DCUN1D2: variants seen among roughly 807,000 people sequenced by gnomAD.
DCUN1D2 encodes the protein defective in cullin neddylation 1 domain containing 2.
Under a neutral mutation model 30.9 loss-of-function variants are expected in DCUN1D2, and 29 were observed. The ratio of observed to expected loss-of-function variants is 0.94; its 90% CI spans 0.70 to 1.28. The LOEUF (loss-of-function observed/expected upper bound fraction) is 1.28, where lower values mean the gene tolerates loss of function less well. DCUN1D2 is among the 50% of genes most tolerant of loss of function. The probability of loss-of-function intolerance (pLI) is 0.00; values close to 1 mark genes in which losing one functional copy is unlikely to be tolerated. For missense variants in DCUN1D2, 325 were observed against 316.9 expected (o/e 1.03, Z -0.19); for synonymous variants, 121 against 115.3 (o/e 1.05, Z -0.32).
At chr13:113,490,777 CG>C, upstream of DCUN1D2, 1 of 1,058,414 alleles carries the variant, frequency 9.4e-7, no homozygotes, top group Non-Finnish European at 1.2e-6. The surrounding 1 kb of genome is among the most constrained non-coding windows in gnomAD (Gnocchi z 5.2). Flanking sequence ...GGGGCAGTGC[CG>C]GGAGCCGGCC....
intron 1 of DCUN1D2, among the ~76,000 whole-genome samples, chr13:113,484,731 A>C (rs1422375917): frequency 6.6e-6 from 1 of 152,208 alleles, no homozygotes; most frequent in Non-Finnish European, 1.5e-5. Context: ...AAATAGCTGT[A>C]CTATATATAG....
chr13:113,458,715 G>A (rs933892287), intron 6 of DCUN1D2, among the ~76,000 whole-genome samples: 4 of 152,202 alleles, frequency 2.6e-5, no homozygotes, highest in Admixed American at 6.5e-5. Context: ...AGACAGACAC[G>A]TAAACCACCC....
At chr13:113,467,325 T>A (rs113919006) in intron 4 of DCUN1D2, among the ~76,000 whole-genome samples, 36 of 152,328 alleles carry the variant, frequency 2.4e-4, no homozygotes, top group African/African-American at 7.9e-4. Flanking sequence ...TTAAAAAATA[T>A]AATACTTGCA....
chr13:113,478,313 C>T (rs1429608104), intron 3 of DCUN1D2, among the ~76,000 whole-genome samples: 1 of 151,570 alleles, frequency 6.6e-6, no homozygotes, highest in Non-Finnish European at 1.5e-5. Context: ...AATTTACTGG[C>T]ATAAAGCTCT....
chr13:113,457,938 T>C lies in DCUN1D2; in HGVS notation c.*91A>G, dbSNP rs976756931. The C allele has an allele frequency of 3.3e-6, 4 of 1,207,972 alleles. No individual in the cohort carries two copies. In the African/African-American group the frequency reaches 6.0e-5, roughly 18 times the overall value. 74.8% of individuals were successfully genotyped at this position (1,207,972 alleles called of 1,614,324 possible). ...TTCATGGCTGGTCAAGAATGACTTC[T>C]GGAATCAGCGACAATGCACCCAGGA... On this transcript the variant is annotated 3_prime_UTR_variant, in exon 7 of 7. Coordinates refer to ENST00000478244, the MANE Select transcript of DCUN1D2 (RefSeq NM_001014283.2).
chr13:113,474,600 A>G (rs925495309), intron 3 of DCUN1D2, among the ~76,000 whole-genome samples: 1 of 152,136 alleles, frequency 6.6e-6, no homozygotes, highest in Non-Finnish European at 1.5e-5. Flanking sequence ...AAAACCCAAA[A>G]CCAACATCTT....
chr13:113,461,112 C>T lies in DCUN1D2; in HGVS notation c.545G>A (p.Trp182Ter), dbSNP rs2044311536. ...AAACCTTCCAGATAACACTAATTTC[C>T]AATACGCAACAGCCATTTCTAAGTC... ...GLDLEMAVAYWKLVLSGRFKF... is the reference protein window; with the variant it reads ...GLDLEMAVAY Residue 182 changes from tryptophan to a stop codon, truncating the protein, a stop_gained, in exon 5 of 7, where the codon TGG becomes TAG. Transcript: ENST00000478244. LOFTEE classifies it high-confidence loss of function. 6.2e-7 allele frequency: 1 copy of T among 1,609,288 alleles called. No homozygotes were observed. The highest frequency in any genetic ancestry group is 2.2e-5 in the East Asian group (1 of 44,734).
At chr13:113,481,859 G>A (rs1245168775) in intron 2 of DCUN1D2, among the ~76,000 whole-genome samples, 1 of 129,330 alleles carries the variant, frequency 7.7e-6, no homozygotes, top group Non-Finnish European at 1.6e-5. Context: ...ACTCCAGCCT[G>A]GGTGACAAAA....
chr13:113,480,526 G>T (rs1177273553), intron 3 of DCUN1D2, 49 bp downstream of exon 3: 1 of 1,593,332 alleles, frequency 6.3e-7, no homozygotes, highest in Non-Finnish European at 8.6e-7. Context: ...AATAATGTTA[G>T]AAGTATTTTC....
chr13:113,472,379 C>T (rs1056883944), intron 4 of DCUN1D2, among the ~76,000 whole-genome samples: 2 of 152,170 alleles, frequency 1.3e-5, no homozygotes, highest in East Asian at 1.9e-4. Flanking sequence ...AACCAGTTTC[C>T]GCTAAAAGAA....
intron 4 of DCUN1D2, among the ~76,000 whole-genome samples, chr13:113,469,881 C>T (rs1363465333): frequency 6.6e-6 from 1 of 151,910 alleles, no homozygotes; most frequent in Non-Finnish European, 1.5e-5. Context: ...TGATCATTGA[C>T]TTCAAAATAG....
At chr13:113,460,760 G>C (rs564134088) in intron 5 of DCUN1D2, among the ~76,000 whole-genome samples, 80 of 152,314 alleles carry the variant, frequency 5.3e-4, no homozygotes, top group African/African-American at 1.8e-3. Context: ...AGACAACACG[G>C]GGGCTGCTGG....
intron 4 of DCUN1D2, among the ~76,000 whole-genome samples, chr13:113,465,529 G>C (rs1050432598): frequency 6.6e-6 from 1 of 151,578 alleles, no homozygotes; most frequent in African/African-American, 2.4e-5. Context: ...AACCCTGCAT[G>C]AGATGAAGAA....
At chr13:113,466,785 T>C (rs1414208507) in intron 4 of DCUN1D2, among the ~76,000 whole-genome samples, 1 of 150,140 alleles carries the variant, frequency 6.7e-6, no homozygotes, top group Non-Finnish European at 1.5e-5. Context: ...TCCCCATTGC[T>C]GTCACTGTCC....
intron 6 of DCUN1D2, among the ~76,000 whole-genome samples, chr13:113,458,522 C>T (rs2139669439): frequency 6.6e-6 from 1 of 152,236 alleles, no homozygotes; most frequent in East Asian, 1.9e-4. Context: ...CTCCCTTCCC[C>T]ACCCCGGCAG....
chr13:113,475,429 C>T (rs1041946129), intron 3 of DCUN1D2: 8 of 152,254 alleles, frequency 5.3e-5, no homozygotes, highest in Admixed American at 3.9e-4. Flanking sequence ...GCACCACAGA[C>T]GAGGTGTGTA....
At chr13:113,469,116 A>G (rs1375710799) in intron 4 of DCUN1D2, among the ~76,000 whole-genome samples, 1 of 150,344 alleles carries the variant, frequency 6.7e-6, no homozygotes, top group Non-Finnish European at 1.5e-5. Flanking sequence ...CAGACAGCAA[A>G]GCCGACATTT....
At position 113,459,322 on chromosome 13, in the gene DCUN1D2, G is replaced by T; in HGVS notation, c.690C>A (p.Tyr230Ter). 1.9e-6 allele frequency: 3 copies of T among 1,574,676 alleles called. No homozygotes were observed. Among genetic ancestry groups the T allele is most frequent in the Non-Finnish European group, 2.6e-6 (3 of 1,144,416 alleles). Residue 230 changes from tyrosine (Y) to a stop codon, truncating the protein, a stop_gained, in exon 6 of 7, where the codon TAC (tyrosine) becomes TAA (stop). Transcript: ENST00000478244. LOFTEE classifies it high-confidence loss of function. ...GNMIADDMSNYDEEGAWPVLI... is the reference protein window; with the variant it reads ...GNMIADDMSN ...CACAACTTCCGGTACCTTCTTCATC[G>T]TAGTTAGACATATCATCCGCAATCA...
chr13:113,483,758 G>A lies in DCUN1D2; in HGVS notation c.220+82C>T, dbSNP rs574254889. 52 of 1,403,154 alleles carry A rather than the reference G, an allele frequency of 3.7e-5. No individual in the cohort carries two copies. In the East Asian group the frequency reaches 1.1e-3, roughly 29 times the overall value. The allele number at this position is 1,403,154 out of a possible 1,614,324, so 86.9% of individuals were successfully genotyped here. A position where few individuals can be genotyped will look rare whatever the true frequency, so the allele number is the denominator to read the frequency against. On this transcript the variant is annotated intron_variant, in intron 2 of 6. Coordinates refer to ENST00000478244, the MANE Select transcript of DCUN1D2 (RefSeq NM_001014283.2). ...CAACGGCAGCCCGGAGACCTGCCCC[G>A]GCACCAGAACCCTGGAAGTGCAGCG...
Sources: allele counts gnomAD v4.1 joint callset (sites outside exome capture counted in the v4.1 genomes callset), GRCh38; gene constraint gnomAD v4.1.1; non-coding constraint Gnocchi (gnomAD v3.1); transcripts MANE v1.5; gene names NCBI Gene and HGNC (gene_info 2026-07-23, HGNC 2026-07-21).